Variants in OPCML observed in about 807,000 individuals in gnomAD.
The protein encoded by OPCML is opioid binding protein/cell adhesion molecule like, also known as opioid-binding protein/cell adhesion molecule.
Under a neutral mutation model 37.8 loss-of-function variants are expected in OPCML, and 13 were observed. That is an observed-to-expected ratio of 0.34 (90% confidence interval 0.22 to 0.55). The LOEUF (loss-of-function observed/expected upper bound fraction) is 0.55, where lower values mean the gene tolerates loss of function less well. OPCML is among the 20% of genes least tolerant of loss of function. The probability of loss-of-function intolerance (pLI) is 0.91; values close to 1 mark genes in which losing one functional copy is unlikely to be tolerated. For missense variants in OPCML, 341 were observed against 435.6 expected, an observed-to-expected ratio of 0.78 and a Z score of 1.93; for synonymous variants, 176 against 168.8, an observed-to-expected ratio of 1.04 and a Z score of -0.33.
intron 1 of OPCML, among the ~76,000 whole-genome samples, chr11:133,196,969 G>A (rs1246254241): frequency 2.0e-5 from 3 of 152,170 alleles, no homozygotes; most frequent in African/African-American, 4.8e-5. Flanking sequence ...GTAAAGACAG[G>A]GTGCAGAGAC....
At chr11:133,102,219 T>C (rs1343349326) in intron 1 of OPCML, among the ~76,000 whole-genome samples, 1 of 152,222 alleles carries the variant, frequency 6.6e-6, no homozygotes, top group African/African-American at 2.4e-5. Flanking sequence ...AACAAAGATG[T>C]AGTTAAATCA....
chr11:132,563,753 C>T (rs1200491324), intron 3 of OPCML, among the ~76,000 whole-genome samples: 1 of 151,954 alleles, frequency 6.6e-6, no homozygotes, highest in Admixed American at 6.6e-5. Flanking sequence ...TTTGAAAGCA[C>T]TTATGTATTA....
chr11:133,051,462 A>G (rs947178380), intron 1 of OPCML, among the ~76,000 whole-genome samples: 1 of 152,024 alleles, frequency 6.6e-6, no homozygotes, highest in African/African-American at 2.4e-5. Flanking sequence ...TGTTCAGGGT[A>G]CTCACTACAC....
chr11:132,699,352 G>A (rs1943720971), intron 2 of OPCML, among the ~76,000 whole-genome samples: 1 of 151,874 alleles, frequency 6.6e-6, no homozygotes, highest in Admixed American at 6.6e-5. Flanking sequence ...TTCTTTTCTT[G>A]TCTAATTGTT....
At chr11:132,865,187 C>T (rs183862873) in intron 2 of OPCML, among the ~76,000 whole-genome samples, 8 of 152,270 alleles carry the variant, frequency 5.3e-5, no homozygotes, top group East Asian at 3.9e-4. Context: ...CACACATACG[C>T]GCGCACGCAA....
chr11:133,453,381 T>C (rs1243457144), intron 1 of OPCML, among the ~76,000 whole-genome samples: 2 of 152,342 alleles, frequency 1.3e-5, no homozygotes, highest in African/African-American at 4.8e-5. Context: ...TGCTAGAATG[T>C]TAAACTCTGA....
chr11:132,619,683 CAAAAAA>C (rs67315430), intron 3 of OPCML, among the ~76,000 whole-genome samples: 1 of 135,520 alleles, frequency 7.4e-6, no homozygotes, highest in Admixed American at 7.4e-5. Flanking sequence ...CTGAAAATAC[CAAAAAA>C]AAAAAAAAAA....
At chr11:132,893,603 G>A (rs1943732793) in intron 2 of OPCML, among the ~76,000 whole-genome samples, 1 of 152,210 alleles carries the variant, frequency 6.6e-6, no homozygotes, top group African/African-American at 2.4e-5. Flanking sequence ...AGCCACTAAT[G>A]TCTTTCTAAT....
chr11:133,127,452 G>C (rs1016100294), intron 1 of OPCML, among the ~76,000 whole-genome samples: 3 of 151,888 alleles, frequency 2.0e-5, no homozygotes, highest in African/African-American at 7.3e-5. Context: ...CGGCAACCTG[G>C]AAAAACCCTG....
In OPCML at chr11:132,712,249, G is replaced by T. The variant is rs138668745; in HGVS notation, c.147-54930C>A. Among the ~76,000 whole-genome samples the T allele has an allele frequency of 9.0e-3, 1,376 of 152,200 alleles. 23 individuals carry two copies. The highest frequency in any genetic ancestry group is 0.031 in the African/African-American group (1,267 of 41,512). ...ATTAGCGGAACTGCAGGCTACTCAG[G>T]ACTTCAGCCTGGTTTTCTCAAAACC... On this transcript the variant is annotated intron_variant, in intron 2 of 7. Coordinates refer to ENST00000524381, the MANE Select transcript of OPCML (RefSeq NM_001012393.5).
intron 1 of OPCML, among the ~76,000 whole-genome samples, chr11:133,197,148 C>T (rs1302574646): frequency 6.6e-6 from 1 of 152,182 alleles, no homozygotes; most frequent in African/African-American, 2.4e-5. Context: ...TACAATATGG[C>T]ATTTTAGCAG....
intron 1 of OPCML, among the ~76,000 whole-genome samples, chr11:133,386,779 G>C (rs1945064191): frequency 6.6e-6 from 1 of 152,116 alleles, no homozygotes; most frequent in Non-Finnish European, 1.5e-5. Context: ...CTTCACAGAA[G>C]GGCCATGCTT....
Position 133,436,825 on chromosome 11 carries a change from G to A in OPCML, c.61+95439C>T, listed in dbSNP as rs78677962. 3.0e-3 allele frequency among the ~76,000 whole-genome samples: 451 copies of A among 152,254 alleles called. 2 individuals are homozygous for A. The highest frequency in any genetic ancestry group is 0.01 in the African/African-American group (434 of 41,542). On this transcript the variant is annotated intron_variant, in intron 1 of 7. Transcript: ENST00000524381. Reference sequence around the variant, plus strand: ...TAATACTTTATGTGAAAACCCCCGCGTAACTGCAAAGACCTAAACCTTTCG... The same window carrying A: ...TAATACTTTATGTGAAAACCCCCGCATAACTGCAAAGACCTAAACCTTTCG...
chr11:133,458,178 G>T (rs1190695017), intron 1 of OPCML, among the ~76,000 whole-genome samples: 4 of 143,234 alleles, frequency 2.8e-5, no homozygotes, highest in Non-Finnish European at 6.0e-5. Flanking sequence ...ATACATATAT[G>T]TGTATATATA....
In OPCML at chr11:133,458,884, C is replaced by T. The variant is rs559992190; in HGVS notation, c.61+73380G>A. Among the ~76,000 whole-genome samples, 404 of 134,858 alleles carry T rather than the reference C, an allele frequency of 3.0e-3. 29 individuals are homozygous for T. Among genetic ancestry groups the T allele is most frequent in the African/African-American group, 0.012 (375 of 30,830 alleles). The allele number at this position is 134,858 out of a possible 152,430, so 88.5% of individuals were successfully genotyped here. A position where few individuals can be genotyped will look rare whatever the true frequency, so the allele number is the denominator to read the frequency against. On this transcript the variant is annotated intron_variant, in intron 1 of 7. Transcript: ENST00000524381. ...GTATATATACACACACATACACACA[C>T]ATGTGTGTGTATATATATACACATA...
rs568276293 is a variant in OPCML, at chr11:133,363,493, T to C, written c.61+168771A>G. Among the ~76,000 whole-genome samples the C allele has an allele frequency of 5.3e-5, 8 of 152,376 alleles. No homozygotes were observed. The East Asian group carries it at 1.2e-3, about 22-fold the overall frequency. Reference sequence around the variant, plus strand: ...ACGGATTATGGGCTGGTCTCCTCTCTGCTTCTTTAATACTACTTAAAAGCA... The same window carrying C: ...ACGGATTATGGGCTGGTCTCCTCTCCGCTTCTTTAATACTACTTAAAAGCA... On this transcript the variant is annotated intron_variant, in intron 1 of 7. Transcript: ENST00000524381.
chr11:133,421,370 G>C, intron 1 of OPCML: 1 of 985,436 alleles, frequency 1.0e-6, no homozygotes, highest in Non-Finnish European at 1.2e-6. Context: ...ATGGAGAACA[G>C]GGTGTCACTC....
At chr11:132,702,334 T>C (rs191834314) in intron 2 of OPCML, among the ~76,000 whole-genome samples, 2 of 152,322 alleles carry the variant, frequency 1.3e-5, no homozygotes, top group South Asian at 4.1e-4. Context: ...ATAATATTCT[T>C]GTTTAACGCT....
At position 132,436,788 on chromosome 11, in the gene OPCML, A is replaced by AACAC. The variant is rs145479085; in HGVS notation, c.644-13_644-10dup. On this transcript the variant is annotated splice_polypyrimidine_tract_variant and intron_variant, in intron 5 of 7. Transcript: ENST00000524381. ...TGAGATATAGGGAGGATCTGTGGGAAACACACACACACACATGCACAGGCA... is the reference window on the plus strand; with the variant it reads ...TGAGATATAGGGAGGATCTGTGGGAAACACACACACACACACACATGCACAGGCA... 2.5e-6 allele frequency: 4 copies of AACAC among 1,604,554 alleles called. No individual in the cohort carries two copies. In the African/African-American group the frequency reaches 4.0e-5, roughly 16 times the overall value.
Sources: gnomAD v4.1 joint callset for allele counts (sites outside exome capture counted in the v4.1 genomes callset) on GRCh38, gnomAD v4.1.1 for gene constraint, MANE v1.5 for transcripts, NCBI Gene and HGNC (gene_info 2026-07-23, HGNC 2026-07-21) for gene names.